STX18: variants seen among roughly 807,000 people sequenced by gnomAD.
The protein encoded by STX18 is syntaxin 18, also known as syntaxin-18.
Under a neutral mutation model 50.1 loss-of-function variants are expected in STX18, and 40 were observed. The observed-to-expected ratio is 0.80, with a 90% CI of 0.62 to 1.04. The LOEUF (loss-of-function observed/expected upper bound fraction) is 1.04. STX18 is among the 50% of genes least tolerant of loss of function. The pLI is 0.00. For missense variants in STX18, 410 were observed against 415.8 expected (o/e 0.99, Z 0.12); for synonymous variants, 158 against 151.8 (o/e 1.04, Z -0.30).
chr4:4,423,685 G>A, intron 8 of STX18, 98 bp from the exon 9 acceptor site: 1 of 1,207,310 alleles, frequency 8.3e-7, no homozygotes, highest in Non-Finnish European at 1.1e-6. Flanking sequence ...CTACGTGAAG[G>A]TGGGAGAGAC....
intron 2 of STX18, among the ~76,000 whole-genome samples, chr4:4,471,409 T>C (rs757721713): frequency 7.9e-5 from 12 of 152,174 alleles, no homozygotes; most frequent in South Asian, 2.1e-4. Flanking sequence ...TAATGGTACA[T>C]AGAGAGATAC....
chr4:4,500,721 A>G lies in STX18; in HGVS notation c.169-29015T>C, dbSNP rs191104921. On this transcript the variant is annotated intron_variant, in intron 1 of 10. Coordinates refer to ENST00000306200, the MANE Select transcript of STX18 (RefSeq NM_016930.4). The stretch of plus-strand genomic sequence containing the variant: ...CTAAAAAATTACCTTCAATGGCTAC[A>G]TAACATTTCATTGCTTAAATTTACC... Among the ~76,000 whole-genome samples, 11 of 152,352 alleles carry G rather than the reference A, an allele frequency of 7.2e-5. No individual in the cohort carries two copies. The East Asian group carries it at 1.7e-3, about 24-fold the overall frequency.
rs1183860275 is a variant in STX18, at chr4:4,420,460, C to T, written c.913-331G>A. Reference sequence around the variant, plus strand: ...CCAGTAACATGATGTCCGTGGTGACCCAACCCTGAGGACTGAGCTTGGGAA... The same window carrying T: ...CCAGTAACATGATGTCCGTGGTGACTCAACCCTGAGGACTGAGCTTGGGAA... On this transcript the variant is annotated intron_variant, in intron 10 of 10. Transcript: ENST00000306200. The surrounding 1 kb of genome is among the most constrained non-coding windows in gnomAD (Gnocchi z 4.3). 6 of 409,584 alleles carry T rather than the reference C, an allele frequency of 1.5e-5. No individual in the cohort carries two copies. The highest frequency in any genetic ancestry group is 2.7e-5 in the Non-Finnish European group (6 of 223,540). The allele number at this position is 409,584 out of a possible 1,614,324, so 25.4% of individuals were successfully genotyped here. A position where few individuals can be genotyped will look rare whatever the true frequency, so the allele number is the denominator to read the frequency against.
intron 3 of STX18, 77 bp from the exon 4 acceptor site, chr4:4,457,577 A>T (rs1727147429): frequency 9.3e-7 from 1 of 1,071,810 alleles, no homozygotes; most frequent in Non-Finnish European, 1.4e-6. Flanking sequence ...TCCTCACAAC[A>T]CTTTCTTTAT....
chr4:4,423,506 T>C lies in STX18; in HGVS notation c.831+12A>G, dbSNP rs1577307592. 1 of 1,613,906 alleles carries C rather than the reference T, an allele frequency of 6.2e-7. No homozygotes were observed. The highest frequency in any genetic ancestry group is 2.2e-5 in the East Asian group (1 of 44,892). On this transcript the variant is annotated intron_variant, in intron 9 of 10. Coordinates refer to ENST00000306200, the MANE Select transcript of STX18 (RefSeq NM_016930.4). ...GTGAAAACATACAGCTCCTTTGTTTTTGTTTTTTTACCTGTTGCAAAACCT... is the reference window on the plus strand; with the variant it reads ...GTGAAAACATACAGCTCCTTTGTTTCTGTTTTTTTACCTGTTGCAAAACCT...
rs752752426 is a variant in STX18 at position 4,420,969 on chromosome 4, G to A, written c.832-25C>T. ...CCTGTGGAAGAAAAGATAAATACAAGTTGAGTATCCTTTATCCAAAAACCT... is the reference window on the plus strand; with the variant it reads ...CCTGTGGAAGAAAAGATAAATACAAATTGAGTATCCTTTATCCAAAAACCT... On this transcript the variant is annotated intron_variant, in intron 9 of 10. Transcript: ENST00000306200. The surrounding 1 kb of genome is among the most constrained non-coding windows in gnomAD (Gnocchi z 4.3). The A allele has an allele frequency of 1.9e-6, 3 of 1,610,116 alleles. No homozygotes were observed. Among genetic ancestry groups the A allele is most frequent in the South Asian group, 1.1e-5 (1 of 91,002 alleles).
intron 5 of STX18, among the ~76,000 whole-genome samples, chr4:4,444,193 T>C (rs1249548946): frequency 6.6e-6 from 1 of 152,222 alleles, no homozygotes; most frequent in African/African-American, 2.4e-5. Flanking sequence ...AACTACATTC[T>C]TTTTACAAGC....
At chr4:4,534,766 A>G (rs1731255509) in intron 1 of STX18, among the ~76,000 whole-genome samples, 1 of 152,288 alleles carries the variant, frequency 6.6e-6, no homozygotes. Context: ...CATACAGTAA[A>G]TATTTTAAGT....
chr4:4,540,205 C>G (rs1731520152), intron 1 of STX18, among the ~76,000 whole-genome samples: 1 of 152,194 alleles, frequency 6.6e-6, no homozygotes, highest in African/African-American at 2.4e-5. Flanking sequence ...TTAAAACTTG[C>G]TTAATGAAAT....
chr4:4,428,504 G>A (rs778175567), intron 7 of STX18, among the ~76,000 whole-genome samples: 1 of 152,176 alleles, frequency 6.6e-6, no homozygotes, highest in Non-Finnish European at 1.5e-5. Context: ...GTCTACCAAA[G>A]TGCATGGCAT....
intron 9 of STX18, 37 bp downstream of exon 9, chr4:4,423,481 G>A (rs771522411): frequency 1.2e-6 from 2 of 1,601,310 alleles, no homozygotes; most frequent in Non-Finnish European, 1.7e-6. Context: ...TCCCCTTTGA[G>A]TGAAAACATA....
chr4:4,455,975 C>T (rs1727044109), intron 5 of STX18, among the ~76,000 whole-genome samples: 1 of 152,094 alleles, frequency 6.6e-6, no homozygotes, highest in African/African-American at 2.4e-5. Context: ...CTGGGGACCC[C>T]TGACACAGTA....
chr4:4,458,459 G>C (rs1367515365), intron 3 of STX18, among the ~76,000 whole-genome samples: 1 of 152,114 alleles, frequency 6.6e-6, no homozygotes, highest in Non-Finnish European at 1.5e-5. Flanking sequence ...GCTTCCATCA[G>C]AGTCTCCAAG....
At chr4:4,488,306 T>G (rs550764648) in intron 1 of STX18, among the ~76,000 whole-genome samples, 1 of 149,048 alleles carries the variant, frequency 6.7e-6, no homozygotes, top group East Asian at 1.9e-4. Context: ...TACTGACATT[T>G]AAAAAAAAAA....
intron 1 of STX18, chr4:4,507,006 T>C (rs767745617): frequency 4.4e-5 from 17 of 387,082 alleles, no homozygotes; most frequent in African/African-American, 3.6e-4. Context: ...GCTTACTGTA[T>C]GCTAATCTAC....
intron 5 of STX18, chr4:4,453,784 C>T (rs1726906724): frequency 4.2e-6 from 2 of 471,348 alleles, no homozygotes; most frequent in Admixed American, 6.4e-5. Flanking sequence ...ACCCCCAAAG[C>T]AGGAGATGCT....
intron 1 of STX18, among the ~76,000 whole-genome samples, chr4:4,517,205 C>A (rs1242104747): frequency 3.9e-5 from 6 of 152,184 alleles, no homozygotes; most frequent in Admixed American, 3.9e-4. Context: ...CCCTGATTCC[C>A]ACCCACATCA....
chr4:4,520,704 C>T (rs1193257225), intron 1 of STX18, among the ~76,000 whole-genome samples: 1 of 151,910 alleles, frequency 6.6e-6, no homozygotes, highest in Non-Finnish European at 1.5e-5. Flanking sequence ...GGCCCCAAAC[C>T]AAAGCTTCCC....
At chr4:4,527,790 T>A (rs1360861546) in intron 1 of STX18, among the ~76,000 whole-genome samples, 1 of 145,108 alleles carries the variant, frequency 6.9e-6, no homozygotes, top group Non-Finnish European at 1.5e-5. Flanking sequence ...ATATATAATT[T>A]TATATATATA....
Sources: gnomAD v4.1 joint callset for allele counts (sites outside exome capture counted in the v4.1 genomes callset) on GRCh38, gnomAD v4.1.1 for gene constraint, Gnocchi (gnomAD v3.1) non-coding constraint, MANE v1.5 for transcripts, NCBI Gene and HGNC (gene_info 2026-07-23, HGNC 2026-07-21) for gene names.